Variants in MSRB3 observed in about 807,000 individuals in gnomAD.
MSRB3 encodes methionine sulfoxide reductase B3.
A neutral mutation model predicts 21.0 loss-of-function variants in MSRB3; 13 were observed. The observed-to-expected ratio is 0.62, with a 90% CI of 0.40 to 0.98. The LOEUF (loss-of-function observed/expected upper bound fraction) is 0.98. Among genes scored for constraint, MSRB3 ranks in the 50% least tolerant of loss-of-function variants. The probability of loss-of-function intolerance (pLI) is 0.00; values close to 1 mark genes in which losing one functional copy is unlikely to be tolerated. For synonymous variants in MSRB3, 87 were observed against 88.6 expected (o/e 0.98, Z 0.10); for missense variants, 199 against 230.3 (o/e 0.86, Z 0.88).
At position 65,463,427 on chromosome 12, in the gene MSRB3, G is replaced by GT; in HGVS notation, c.*109dup. 7.4e-7 allele frequency: 1 copy of GT among 1,353,404 alleles called. No homozygotes were observed. The highest frequency in any genetic ancestry group is 2.5e-5 in the East Asian group (1 of 39,824). The allele number at this position is 1,353,404 out of a possible 1,614,324, so 83.8% of individuals were successfully genotyped here. A position where few individuals can be genotyped will look rare whatever the true frequency, so the allele number is the denominator to read the frequency against. On this transcript the variant is annotated 3_prime_UTR_variant, in exon 7 of 7. Coordinates refer to ENST00000308259, the MANE Select transcript of MSRB3 (RefSeq NM_001031679.3). ...TATTTTTTCAAAAACTATAAGGGCA[G>GT]TTTTGTGCTATTGATATTTTTTCTT...
chr12:65,352,255 A>G (rs1313284111), intron 4 of MSRB3, among the ~76,000 whole-genome samples: 1 of 152,168 alleles, frequency 6.6e-6, no homozygotes, highest in African/African-American at 2.4e-5. Context: ...CTTTGACAAA[A>G]TTCAACAACC....
chr12:65,288,987 A>T lies in MSRB3; in HGVS notation c.-52+10122A>T, dbSNP rs10437968. ...CTATATAAGGTATAAAGAATATTTT[A>T]AAAAAATCTGGGTACCCTCATCCAG... On this transcript the variant is annotated intron_variant, in intron 1 of 6. Transcript: ENST00000308259. Among the ~76,000 whole-genome samples, 1,352 of 152,294 alleles carry T rather than the reference A, an allele frequency of 8.9e-3. 20 individuals are homozygous for T. Among genetic ancestry groups the T allele is most frequent in the African/African-American group, 0.031 (1,270 of 41,536 alleles).
At chr12:65,433,332 AT>A (rs1161254548) in intron 5 of MSRB3, among the ~76,000 whole-genome samples, 1 of 151,576 alleles carries the variant, frequency 6.6e-6, no homozygotes, top group Admixed American at 6.6e-5. Context: ...TTGTGGTTTG[AT>A]TTCTTTTCTG....
Position 65,465,371 on chromosome 12 carries a change from C to G in MSRB3, c.*2049C>G, listed in dbSNP as rs140623821. The G allele has an allele frequency of 6.6e-6, 1 of 152,078 alleles. No individual in the cohort carries two copies. Among genetic ancestry groups the G allele is most frequent in the Non-Finnish European group, 1.5e-5 (1 of 68,034 alleles). 9.4% of individuals were successfully genotyped at this position (152,078 alleles called of 1,614,324 possible). A position where few individuals can be genotyped will look rare whatever the true frequency, so the allele number is the denominator to read the frequency against. ...ATCTTGAATTGTAGTTTAAAAAATACGTATTTTTGTAACTCTTTGAAAGTT... is the reference window on the plus strand; with the variant it reads ...ATCTTGAATTGTAGTTTAAAAAATAGGTATTTTTGTAACTCTTTGAAAGTT... On this transcript the variant is annotated 3_prime_UTR_variant, in exon 7 of 7. Coordinates refer to ENST00000308259, the MANE Select transcript of MSRB3 (RefSeq NM_001031679.3).
At chr12:65,343,425 C>T (rs143805972) in intron 4 of MSRB3, among the ~76,000 whole-genome samples, 1 of 152,190 alleles carries the variant, frequency 6.6e-6, no homozygotes, top group African/African-American at 2.4e-5. Flanking sequence ...AGCACTTACA[C>T]TGTCCTATTC....
At chr12:65,311,506 A>G (rs1404880511) in intron 2 of MSRB3, among the ~76,000 whole-genome samples, 1 of 152,112 alleles carries the variant, frequency 6.6e-6, no homozygotes, top group Non-Finnish European at 1.5e-5. Context: ...AGAAATGTTG[A>G]AGAAATTAAC....
chr12:65,438,043 C>T (rs927257307), intron 5 of MSRB3, among the ~76,000 whole-genome samples: 16 of 151,948 alleles, frequency 1.1e-4, no homozygotes, highest in Non-Finnish European at 2.9e-5. Context: ...AACATGGAAC[C>T]ACTTAAATAT....
intron 5 of MSRB3, among the ~76,000 whole-genome samples, chr12:65,393,832 G>A (rs1182711936): frequency 6.6e-6 from 1 of 151,966 alleles, no homozygotes; most frequent in Non-Finnish European, 1.5e-5. Flanking sequence ...TTGTTGATGT[G>A]TGGGTATGGA....
At chr12:65,372,117 A>C (rs1294054822) in intron 5 of MSRB3, among the ~76,000 whole-genome samples, 2 of 152,192 alleles carry the variant, frequency 1.3e-5, no homozygotes, top group Admixed American at 1.3e-4. Context: ...AAAAGGCGTT[A>C]AAGTTTTGAG....
At chr12:65,285,923 T>G (rs1003147025) in intron 1 of MSRB3, 38 of 152,216 alleles carry the variant, frequency 2.5e-4, no homozygotes, top group African/African-American at 9.2e-4. Flanking sequence ...AATAGTATAT[T>G]ATTCATAACA....
At chr12:65,402,168 G>A (rs1880164394) in intron 5 of MSRB3, among the ~76,000 whole-genome samples, 1 of 152,156 alleles carries the variant, frequency 6.6e-6, no homozygotes, top group Non-Finnish European at 1.5e-5. Context: ...GGCTTGCTAG[G>A]TTGGGGAAGT....
At chr12:65,326,136 A>T (rs1485707533) in intron 2 of MSRB3, among the ~76,000 whole-genome samples, 1 of 152,120 alleles carries the variant, frequency 6.6e-6, no homozygotes, top group Non-Finnish European at 1.5e-5. Context: ...AACTTCTTGA[A>T]TCTGCATTAG....
chr12:65,316,631 A>G (rs1228333088), intron 2 of MSRB3, among the ~76,000 whole-genome samples: 1 of 152,198 alleles, frequency 6.6e-6, no homozygotes, highest in East Asian at 1.9e-4. Context: ...ATGTCACATT[A>G]CAAGTAATGT....
At chr12:65,297,054 A>T (rs1265879323) in intron 1 of MSRB3, among the ~76,000 whole-genome samples, 1 of 152,196 alleles carries the variant, frequency 6.6e-6, no homozygotes, top group African/African-American at 2.4e-5. Flanking sequence ...AAGGAACAAG[A>T]TTATGTCCTT....
chr12:65,362,165 G>C (rs1222276807), intron 4 of MSRB3, among the ~76,000 whole-genome samples: 1 of 152,168 alleles, frequency 6.6e-6, no homozygotes. Context: ...TATCAGAGTT[G>C]TGGGCTGGGA....
At position 65,308,482 on chromosome 12, in the gene MSRB3, T is replaced by G. The variant is rs572373516; in HGVS notation, c.-51-47T>G. On this transcript the variant is annotated intron_variant, in intron 1 of 6. Coordinates refer to ENST00000308259, the MANE Select transcript of MSRB3 (RefSeq NM_001031679.3). ...TTGTGCAATGAATGTGTTTAATATT[T>G]GTGATGTTTTAATTTGATTTTTGTT... 1.0e-4 allele frequency: 163 copies of G among 1,601,972 alleles called. No individual in the cohort carries two copies. The African/African-American group carries it at 2.0e-3, about 20-fold the overall frequency.
At chr12:65,285,120 T>G (rs576437292) in intron 1 of MSRB3, 1 of 152,356 alleles carries the variant, frequency 6.6e-6, no homozygotes, top group Admixed American at 6.5e-5. Flanking sequence ...TGGTTACTTT[T>G]TGTGGCCATG....
intron 5 of MSRB3, among the ~76,000 whole-genome samples, chr12:65,378,390 T>C (rs1264668983): frequency 1.3e-5 from 2 of 152,234 alleles, no homozygotes; most frequent in Non-Finnish European, 2.9e-5. Context: ...CATTTATTCA[T>C]GCTTACATGT....
intron 1 of MSRB3, among the ~76,000 whole-genome samples, chr12:65,290,496 C>T (rs181959607): frequency 2.0e-5 from 3 of 152,158 alleles, no homozygotes; most frequent in African/African-American, 4.8e-5. Flanking sequence ...TTCTACTGTA[C>T]GACACCGGTT....
Sources: gnomAD v4.1 joint callset for allele counts (sites outside exome capture counted in the v4.1 genomes callset) on GRCh38, gnomAD v4.1.1 for gene constraint, MANE v1.5 for transcripts, NCBI Gene and HGNC (gene_info 2026-07-23, HGNC 2026-07-21) for gene names.